The following IRX4 variants were observed in gnomAD, a reference collection of about 807,000 sequenced individuals.
The protein encoded by IRX4 is iroquois-class homeodomain protein IRX-4.
In IRX4, 22 loss-of-function variants were observed where a neutral mutation model predicts 32.0. That is an observed-to-expected ratio of 0.69 (90% confidence interval 0.49 to 0.98). IRX4 has a LOEUF of 0.98. IRX4 is among the 50% of genes least tolerant of loss of function. IRX4 has a pLI of 0.00. For missense variants in IRX4, 840 were observed against 744.2 expected, an observed-to-expected ratio of 1.13 and a Z score of -1.50; for synonymous variants, 379 against 351.7, an observed-to-expected ratio of 1.08 and a Z score of -0.87.
At chr5:1,884,952 C>G (rs1335735914), upstream of IRX4, among the ~76,000 whole-genome samples, 1 of 152,112 alleles carries the variant, frequency 6.6e-6, no homozygotes, top group Admixed American at 6.6e-5. Flanking sequence ...TAATGAGGCC[C>G]GGCTGAAGGA....
chr5:1,881,816 A>G lies in IRX4; in HGVS notation c.289T>C (p.Tyr97His), dbSNP rs774717364. 2 of 1,565,542 alleles carry G rather than the reference A, an allele frequency of 1.3e-6. No individual in the cohort carries two copies. Among genetic ancestry groups the G allele is most frequent in the African/African-American group, 2.7e-5 (2 of 73,458 alleles). Residue 97 changes from tyrosine to histidine, a missense_variant, in exon 2 of 5, where the codon TAC becomes CAC. Tyr to His is a moderately conservative substitution (Grantham distance 83). This residue lies in a region of IRX4 where 241 missense variants were observed against 220.8 expected (regional missense o/e 1.09). Coordinates refer to ENST00000231357, the MANE Select transcript of IRX4 (RefSeq NM_016358.3). Reference sequence around the variant, plus strand: ...AGGGATGCCCCACTTACCAGCGAGTAGAAGGCGGACGCCTCCGAGCCGTAG... The same window carrying G: ...AGGGATGCCCCACTTACCAGCGAGTGGAAGGCGGACGCCTCCGAGCCGTAG... ...VTYGSEASAF[Y>H]SLNSFDSKDG...
rs533499243 is a variant in IRX4 at position 1,879,791 on chromosome 5, G to C, written c.449C>G (p.Thr150Arg). Residue 150 changes from threonine (T) to arginine (R), a missense_variant, in exon 4 of 5, where the codon ACG (threonine) becomes AGG (arginine). Physicochemically the swap from Thr to Arg is moderately conservative, Grantham distance 71. This residue lies in a region of IRX4 where 241 missense variants were observed against 220.8 expected (regional missense o/e 1.09). Coordinates refer to ENST00000231357, the MANE Select transcript of IRX4 (RefSeq NM_016358.3). ...CTTGAGCGTGCTGGTGGTCTCGCGCGTGGCGTTCTTGCGCCGCGTGCCGCT... is the reference window on the plus strand; with the variant it reads ...CTTGAGCGTGCTGGTGGTCTCGCGCCTGGCGTTCTTGCGCCGCGTGCCGCT... Reference protein sequence around the residue: ...MDSGTRRKNATRETTSTLKAW... With the variant: ...MDSGTRRKNARRETTSTLKAW... The C allele has an allele frequency of 7.4e-6, 12 of 1,614,002 alleles. No individual in the cohort carries two copies. Among genetic ancestry groups the C allele is most frequent in the East Asian group, 2.2e-5 (1 of 44,882 alleles).
At chr5:1,882,508 G>T in intron 1 of IRX4, 95 bp downstream of exon 1, 1 of 1,085,814 alleles carries the variant, frequency 9.2e-7, no homozygotes, top group Non-Finnish European at 1.3e-6. Flanking sequence ...GGAAGCCGCA[G>T]GCAGTCGTAG....
At chr5:1,886,721 C>T (rs1260194795), upstream of IRX4, 1 of 150,952 alleles carries the variant, frequency 6.6e-6, no homozygotes, top group Non-Finnish European at 1.5e-5. Flanking sequence ...CCCCGCCCCG[C>T]GCCGGCCCGC....
chr5:1,879,118 A>T (rs1735331603), intron 4 of IRX4, among the ~76,000 whole-genome samples: 1 of 151,746 alleles, frequency 6.6e-6, no homozygotes, highest in African/African-American at 2.4e-5. Context: ...CAGCCTCCCG[A>T]GTAGCTGGGA....
chr5:1,880,897 C>T, intron 2 of IRX4, 63 bp from the exon 3 acceptor site: 1 of 1,224,816 alleles, frequency 8.2e-7, no homozygotes, highest in Non-Finnish European at 1.2e-6. Flanking sequence ...CAGCCTCTCT[C>T]CTAGGAGCCC....
intron 2 of IRX4, 152 bp downstream of exon 2, chr5:1,881,656 C>G: frequency 1.0e-6 from 1 of 960,406 alleles, no homozygotes; most frequent in Non-Finnish European, 1.6e-6. Flanking sequence ...CTGAGGGTCT[C>G]GGCTGGGAGG....
At chr5:1,885,490 A>T (rs1233844230), upstream of IRX4, among the ~76,000 whole-genome samples, 4 of 151,978 alleles carry the variant, frequency 2.6e-5, no homozygotes, top group Non-Finnish European at 4.4e-5. Flanking sequence ...CGCCGCACAC[A>T]CACGCTCCAC....
At chr5:1,886,083 G>T (rs938728102), upstream of IRX4, among the ~76,000 whole-genome samples, 7 of 152,250 alleles carry the variant, frequency 4.6e-5, no homozygotes, top group Non-Finnish European at 1.0e-4. Context: ...GGCAGGGGAT[G>T]GTCAGCCCCT....
At chr5:1,880,916 C>G in intron 2 of IRX4, 82 bp from the exon 3 acceptor site, 1 of 1,074,698 alleles carries the variant, frequency 9.3e-7, no homozygotes, top group Non-Finnish European at 1.4e-6. Flanking sequence ...CCCCCACTCC[C>G]AAAGGCTTGG....
rs1251397556 is a variant in IRX4, at chr5:1,877,888, C to G, written c.*81G>C. 6 of 1,316,236 alleles carry G rather than the reference C, an allele frequency of 4.6e-6. No individual in the cohort carries two copies. Among genetic ancestry groups the G allele is most frequent in the Admixed American group, 2.3e-5 (1 of 44,096 alleles). The allele number at this position is 1,316,236 out of a possible 1,614,324, so 81.5% of individuals were successfully genotyped here. On this transcript the variant is annotated 3_prime_UTR_variant, in exon 5 of 5. Transcript: ENST00000231357. ...GCGGCTTCGCGGTGGCCGCGCTAGT[C>G]TTCCTCTGGAAACTCAGTGAAAAGA...
In IRX4 at chr5:1,877,736, C is replaced by A. The variant is rs1383363713; in HGVS notation, c.*233G>T. On this transcript the variant is annotated 3_prime_UTR_variant, in exon 5 of 5. Transcript: ENST00000231357. ...CTTCTGCTCCGAGAGCCTCTCCTTC[C>A]GCGTCCCAAATTTGGGAATGGCCCG... 1.9e-6 allele frequency: 1 copy of A among 526,854 alleles called. No individual in the cohort carries two copies. The highest frequency in any genetic ancestry group is 2.7e-5 in the South Asian group (1 of 37,506). The allele number at this position is 526,854 out of a possible 1,614,324, so 32.6% of individuals were successfully genotyped here.
rs1735349136 is a variant in IRX4 at position 1,879,536 on chromosome 5, C to G, written c.704G>C (p.Arg235Pro). 3 of 1,613,316 alleles carry G rather than the reference C, an allele frequency of 1.9e-6. No homozygotes were observed. Among genetic ancestry groups the G allele is most frequent in the Non-Finnish European group, 2.5e-6 (3 of 1,180,040 alleles). The change falls in exon 4 of 5, where the codon CGG becomes CCG. Residue 235 changes from arginine (R) to proline (P), a missense_variant. Physicochemically the swap from Arg to Pro is moderately radical, Grantham distance 103. Coordinates refer to ENST00000231357, the MANE Select transcript of IRX4 (RefSeq NM_016358.3). ...EEEEGGEEEA[R>P]EEPLKSSKNA... ...CTTGGAGCTCTTGAGGGGCTCCTCC[C>G]GCGCCTCCTCCTCGCCCCCCTCCTC...
Position 1,880,822 on chromosome 5 carries a change from A to C in IRX4, c.310T>G (p.Ser104Ala), listed in dbSNP as rs1214692699. Reference sequence around the variant, plus strand: ...TGCGCAGATCCCGAACCATCCTTGGAATCAAAGCTGTTCTGTGGGAGCCAA... The same window carrying C: ...TGCGCAGATCCCGAACCATCCTTGGCATCAAAGCTGTTCTGTGGGAGCCAA... ...SAFYSLNSFD[S>A]KDGSGSAHGG... The change falls in exon 3 of 5, where the codon TCC becomes GCC. Residue 104 changes from serine (S) to alanine (A), a missense_variant. By Grantham distance (99) the Ser-to-Ala change is moderately conservative. This residue lies in a region of IRX4 where 241 missense variants were observed against 220.8 expected (regional missense o/e 1.09). Transcript: ENST00000231357. The C allele has an allele frequency of 6.2e-7, 1 of 1,613,510 alleles. No individual in the cohort carries two copies. Among genetic ancestry groups the C allele is most frequent in the African/African-American group, 1.3e-5 (1 of 74,974 alleles).
Position 1,878,759 on chromosome 5 carries a change from A to T in IRX4, c.770T>A (p.Leu257His), listed in dbSNP as rs760775555. ...CGGGTCGAAGTCGTCCAAGTCACTAAGCTCCAGCTCCTTCTCCTCTTTGCC... is the reference window on the plus strand; with the variant it reads ...CGGGTCGAAGTCGTCCAAGTCACTATGCTCCAGCTCCTTCTCCTCTTTGCC... Reference protein sequence around the residue: ...PVGKEEKELELSDLDDFDPLE... With the variant: ...PVGKEEKELEHSDLDDFDPLE... Residue 257 changes from leucine to histidine, a missense_variant, in exon 5 of 5, where the codon CTT becomes CAT. Leu to His is a moderately conservative substitution (Grantham distance 99, BLOSUM62 -3). This residue lies in a region of IRX4 where 585 missense variants were observed against 488.0 expected (regional missense o/e 1.20). Transcript: ENST00000231357. The T allele has an allele frequency of 6.2e-7, 1 of 1,613,266 alleles. No individual in the cohort carries two copies. Among genetic ancestry groups the T allele is most frequent in the African/African-American group, 1.3e-5 (1 of 75,056 alleles).
At chr5:1,881,286 G>A (rs11949517) in intron 2 of IRX4, among the ~76,000 whole-genome samples, 2 of 138,064 alleles carry the variant, frequency 1.4e-5, no homozygotes, top group South Asian at 2.5e-4. Context: ...GCCAGGAGGG[G>A]AGAAGGGAGG....
At chr5:1,880,245 G>T in intron 3 of IRX4, 1 of 878,290 alleles carries the variant, frequency 1.1e-6, no homozygotes, top group Non-Finnish European at 1.7e-6. Flanking sequence ...GCACCCAAGG[G>T]GCCTAAGTGT....
chr5:1,878,631 C>A lies in IRX4; in HGVS notation c.898G>T (p.Ala300Ser), dbSNP rs756279574. 1 of 1,582,546 alleles carries A rather than the reference C, an allele frequency of 6.3e-7. No homozygotes were observed. The highest frequency in any genetic ancestry group is 8.6e-7 in the Non-Finnish European group (1 of 1,165,246). Residue 300 changes from alanine to serine, a missense_variant, in exon 5 of 5, where the codon GCC becomes TCC. This residue lies in a region of IRX4 where 585 missense variants were observed against 488.0 expected (regional missense o/e 1.20). Coordinates refer to ENST00000231357, the MANE Select transcript of IRX4 (RefSeq NM_016358.3). ...AGAGACATCCGGAGCGCGCCTGAGG[C>A]CTCCTTGACCGGGCCGTCGGGCGCG... Reference protein sequence around the residue: ...PAAPDGPVKEASGALRMSLAA... With the variant: ...PAAPDGPVKESSGALRMSLAA...
upstream of IRX4, among the ~76,000 whole-genome samples, chr5:1,883,375 C>G (rs1398300084): frequency 6.6e-6 from 1 of 152,230 alleles, no homozygotes; most frequent in African/African-American, 2.4e-5. Flanking sequence ...CTGGCGCGCT[C>G]TGCTCCGAGT....
Sources: gnomAD v4.1 joint callset for allele counts (sites outside exome capture counted in the v4.1 genomes callset) on GRCh38, gnomAD v4.1.1 for gene constraint, gnomAD v4.1.1 regional missense constraint, MANE v1.5 for transcripts, NCBI Gene and HGNC (gene_info 2026-07-23, HGNC 2026-07-21) for gene names.